Variants in CDH13 observed in about 807,000 individuals in gnomAD.
CDH13 encodes the protein cadherin 13, also known as cadherin-13.
Under a neutral mutation model 63.8 loss-of-function variants are expected in CDH13, and 24 were observed. The ratio of observed to expected loss-of-function variants is 0.38; its 90% CI spans 0.27 to 0.53. The LOEUF (loss-of-function observed/expected upper bound fraction) is 0.53, where lower values mean the gene tolerates loss of function less well. Among genes scored for constraint, CDH13 ranks in the 20% least tolerant of loss-of-function variants. The pLI, the probability that CDH13 is intolerant of heterozygous loss-of-function variation, is 0.85. For missense variants in CDH13, 1,049 were observed against 903.1 expected (o/e 1.16, Z -2.07); for synonymous variants, 503 against 355.3 (o/e 1.42, Z -4.67).
chr16:83,274,742 A>C (rs905682752), intron 5 of CDH13, among the ~76,000 whole-genome samples: 95 of 152,240 alleles, frequency 6.2e-4, no homozygotes, highest in African/African-American at 2.2e-3. Context: ...GGTGTTTATT[A>C]AATATGCACA....
chr16:82,884,405 T>C (rs1029113550), intron 2 of CDH13: 17 of 338,894 alleles, frequency 5.0e-5, no homozygotes, highest in Non-Finnish European at 7.5e-5. Flanking sequence ...ACTCCTTCTG[T>C]TGTCTGTTGC....
At chr16:82,642,367 A>C (rs1473111201) in intron 1 of CDH13, among the ~76,000 whole-genome samples, 1 of 152,240 alleles carries the variant, frequency 6.6e-6, no homozygotes, top group African/African-American at 2.4e-5. Context: ...TAGTCTATGC[A>C]TCCCCGTATT....
chr16:83,039,299 G>A (rs1318360389), intron 3 of CDH13, among the ~76,000 whole-genome samples: 2 of 152,160 alleles, frequency 1.3e-5, no homozygotes, highest in Non-Finnish European at 2.9e-5. Flanking sequence ...GTCTGAAAAG[G>A]TCCTTTGTGG....
chr16:82,648,608 G>A (rs1384001554), intron 1 of CDH13, among the ~76,000 whole-genome samples: 1 of 152,136 alleles, frequency 6.6e-6, no homozygotes, highest in African/African-American at 2.4e-5. Context: ...AGAAAAAGAA[G>A]GGTGGAATCT....
intron 4 of CDH13, among the ~76,000 whole-genome samples, chr16:83,139,112 A>G (rs528253338): frequency 5.9e-5 from 9 of 152,240 alleles, no homozygotes; most frequent in African/African-American, 1.9e-4. Flanking sequence ...TCTTTGAAAT[A>G]AAAGAGAACT....
chr16:82,919,617 G>A (rs987370050), intron 2 of CDH13, among the ~76,000 whole-genome samples: 6 of 152,164 alleles, frequency 3.9e-5, no homozygotes, highest in Admixed American at 1.3e-4. Context: ...CCATTGATGG[G>A]CATTTAGTTT....
At chr16:83,197,493 C>A (rs1341447515) in intron 4 of CDH13, among the ~76,000 whole-genome samples, 7 of 152,058 alleles carry the variant, frequency 4.6e-5, no homozygotes, top group Admixed American at 4.6e-4. Flanking sequence ...GGGTTTTATT[C>A]ATTCTTTCTA....
At chr16:83,255,578 G>A (rs717839) in intron 5 of CDH13, among the ~76,000 whole-genome samples, 9,689 of 152,190 alleles carry the variant, frequency 0.064, 995 homozygotes, top group African/African-American at 0.21. Flanking sequence ...CTTTCTACAA[G>A]GGCTGTGCTG....
chr16:83,565,286 G>A (rs780332614), intron 7 of CDH13, among the ~76,000 whole-genome samples: 6 of 151,382 alleles, frequency 4.0e-5, no homozygotes, highest in Non-Finnish European at 7.4e-5. Context: ...AAGAGTTCTC[G>A]AAGCCCTCAT....
At chr16:83,729,577 C>T (rs1436415285) in intron 10 of CDH13, among the ~76,000 whole-genome samples, 1 of 152,218 alleles carries the variant, frequency 6.6e-6, no homozygotes, top group Non-Finnish European at 1.5e-5. Context: ...ACAACTCTAT[C>T]ACTTACTAGC....
At chr16:83,391,444 T>C (rs930599457) in intron 6 of CDH13, among the ~76,000 whole-genome samples, 79 of 152,196 alleles carry the variant, frequency 5.2e-4, no homozygotes, top group African/African-American at 1.9e-3. Flanking sequence ...GACCTCGTGA[T>C]CCGCCCGCCT....
intron 6 of CDH13, among the ~76,000 whole-genome samples, chr16:83,438,818 G>A (rs2072398914): frequency 6.6e-6 from 1 of 152,176 alleles, no homozygotes; most frequent in Admixed American, 6.5e-5. Flanking sequence ...GAAAGTCTAT[G>A]CAGCAGTGAC....
At chr16:83,667,519 T>G (rs1486206853) in intron 8 of CDH13, among the ~76,000 whole-genome samples, 1 of 152,150 alleles carries the variant, frequency 6.6e-6, no homozygotes, top group East Asian at 1.9e-4. Flanking sequence ...TGCTCATGTG[T>G]TGGGCACTGT....
intron 2 of CDH13, among the ~76,000 whole-genome samples, chr16:83,030,343 T>C (rs1291203802): frequency 6.6e-6 from 1 of 152,150 alleles, no homozygotes; most frequent in Non-Finnish European, 1.5e-5. Flanking sequence ...AATCATTGTA[T>C]TGGGTCCTCT....
intron 10 of CDH13, among the ~76,000 whole-genome samples, chr16:83,687,391 G>A (rs964013348): frequency 5.9e-5 from 9 of 152,120 alleles, no homozygotes; most frequent in East Asian, 1.9e-4. Context: ...ACTTAAAATC[G>A]TGGCAGAAGA....
chr16:83,647,680 A>G (rs1055716195), intron 8 of CDH13, among the ~76,000 whole-genome samples: 38 of 152,186 alleles, frequency 2.5e-4, no homozygotes, highest in African/African-American at 8.9e-4. Flanking sequence ...ATTATCTAGA[A>G]TATGATTCCC....
At chr16:83,611,125 A>AT (rs1330238639) in intron 8 of CDH13, among the ~76,000 whole-genome samples, 8 of 151,982 alleles carry the variant, frequency 5.3e-5, no homozygotes, top group Non-Finnish European at 1.2e-4. Context: ...TCTTTCAACC[A>AT]TTTTTTAAGT....
At chr16:82,855,073 T>G (rs2039633491) in intron 1 of CDH13, among the ~76,000 whole-genome samples, 2 of 152,206 alleles carry the variant, frequency 1.3e-5, no homozygotes, top group Admixed American at 6.5e-5. Context: ...TACAAATCAT[T>G]TAACTTTAAT....
intron 5 of CDH13, among the ~76,000 whole-genome samples, chr16:83,274,725 CA>C (rs199896292): frequency 9.5e-5 from 13 of 136,828 alleles, no homozygotes; most frequent in Admixed American, 5.5e-4. Context: ...CACCTGGTGG[CA>C]GGGGGGGTGT....
Sources: gnomAD v4.1 joint callset for allele counts (sites outside exome capture counted in the v4.1 genomes callset) on GRCh38, gnomAD v4.1.1 for gene constraint, MANE v1.5 for transcripts, NCBI Gene and HGNC (gene_info 2026-07-23, HGNC 2026-07-21) for gene names.